ATG2B: variants seen among roughly 807,000 people sequenced by gnomAD.
ATG2B encodes autophagy related 2B.
In ATG2B, 121 loss-of-function variants were observed where a neutral mutation model predicts 241.3. The ratio of observed to expected loss-of-function variants is 0.50; its 90% CI spans 0.43 to 0.58. The LOEUF is 0.58. ATG2B is among the 20% of genes least tolerant of loss of function. The probability of loss-of-function intolerance (pLI) is 0.00; values close to 1 mark genes in which losing one functional copy is unlikely to be tolerated. For synonymous variants in ATG2B, 858 were observed against 876.6 expected, an observed-to-expected ratio of 0.98 and a Z score of 0.37; for missense variants, 2,306 against 2,491.6, an observed-to-expected ratio of 0.93 and a Z score of 1.59.
In ATG2B at chr14:96,331,568, G is replaced by C. The variant is rs780680629; in HGVS notation, c.1538C>G (p.Thr513Ser). 8.1e-6 allele frequency: 13 copies of C among 1,613,922 alleles called. No individual in the cohort carries two copies. The highest frequency in any genetic ancestry group is 9.3e-6 in the Non-Finnish European group (11 of 1,179,970). Residue 513 changes from threonine to serine, a missense_variant, in exon 11 of 42, where the codon ACT (threonine) becomes AGT (serine). Physicochemically the swap from Thr to Ser is moderately conservative, Grantham distance 58 (BLOSUM62 1). Transcript: ENST00000359933. ...AATGTGAAGCACAGAGATTGAAAAA[G>C]TTCCCACAGCTAGTCTAAAAATAAG... ...PELIFRLAVG[T>S]FSISVLHIDP...
chr14:96,310,848 CT>C (rs966116351), intron 28 of ATG2B, among the ~76,000 whole-genome samples: 3 of 151,912 alleles, frequency 2.0e-5, no homozygotes, highest in Non-Finnish European at 4.4e-5. Flanking sequence ...TCTTTCTTCC[CT>C]TAGGACAGAT....
intron 1 of ATG2B, among the ~76,000 whole-genome samples, chr14:96,351,286 T>C (rs1037640520): frequency 2.0e-5 from 3 of 152,328 alleles, no homozygotes; most frequent in African/African-American, 7.2e-5. Context: ...CCTCTATCAT[T>C]AAGAAATTTA....
Position 96,333,823 on chromosome 14 carries a change from T to C in ATG2B, c.1072A>G (p.Met358Val), listed in dbSNP as rs777087852. Residue 358 changes from methionine (M) to valine (V), a missense_variant, in exon 8 of 42, where the codon ATG becomes GTG. Met to Val is a conservative substitution (Grantham distance 21). Coordinates refer to ENST00000359933, the MANE Select transcript of ATG2B (RefSeq NM_018036.7). The part of the protein sequence containing the change: ...LANKDRKNRP[M>V]QQEDEYRIQM... ...ATTCGATACTCGTCTTCCTGCTGCA[T>C]GGGTCGATTTTTCCTATCTTTATTA... 6.2e-6 allele frequency: 10 copies of C among 1,613,944 alleles called. No homozygotes were observed. Among genetic ancestry groups the C allele is most frequent in the Admixed American group, 1.7e-5 (1 of 60,000 alleles).
chr14:96,290,804 GA>G lies in ATG2B; in HGVS notation c.5701+9del. 1 of 1,591,944 alleles carries G rather than the reference GA, an allele frequency of 6.3e-7. No homozygotes were observed. Among genetic ancestry groups the G allele is most frequent in the Non-Finnish European group, 8.5e-7 (1 of 1,173,954 alleles). On this transcript the variant is annotated intron_variant, in intron 39 of 41. Transcript: ENST00000359933. This position sits in a 1 kb window ranked among gnomAD's most constrained non-coding sequence, Gnocchi z 4.4. ...AACTTATCTTTTGATTAAAAAAGAA[GA>G]AAACTCACCTAATTGTACTAGTGAA...
At chr14:96,341,848 C>T in intron 5 of ATG2B, 147 bp from the exon 6 acceptor site, 1 of 573,862 alleles carries the variant, frequency 1.7e-6, no homozygotes, top group East Asian at 3.2e-5. Flanking sequence ...TATCGTATAG[C>T]TAAAATGAAA....
At chr14:96,312,210 C>A in intron 25 of ATG2B, 51 bp from the exon 26 acceptor site, 1 of 1,287,126 alleles carries the variant, frequency 7.8e-7, no homozygotes, top group South Asian at 1.3e-5. Context: ...CTTTGAGTAT[C>A]ATACCCCATA....
At chr14:96,297,618 C>T (rs1010101053) in intron 34 of ATG2B, among the ~76,000 whole-genome samples, 58 of 152,186 alleles carry the variant, frequency 3.8e-4, no homozygotes, top group African/African-American at 1.4e-3. Flanking sequence ...GGCTGAGTCT[C>T]GAACCCCTGA....
In ATG2B at chr14:96,285,292, A is replaced by G. The variant is rs1886304432; in HGVS notation, c.*463T>C. 6.3e-6 allele frequency: 1 copy of G among 158,728 alleles called. No homozygotes were observed. Among genetic ancestry groups the G allele is most frequent in the Non-Finnish European group, 1.4e-5 (1 of 71,586 alleles). 9.8% of individuals were successfully genotyped at this position (158,728 alleles called of 1,614,324 possible). ...ATTCAACAGAATAGGTTATTTTTCCACACTGATATTTATATTGAAAATCCT... is the reference window on the plus strand; with the variant it reads ...ATTCAACAGAATAGGTTATTTTTCCGCACTGATATTTATATTGAAAATCCT... On this transcript the variant is annotated 3_prime_UTR_variant, in exon 42 of 42. Transcript: ENST00000359933. The surrounding 1 kb of genome is among the most constrained non-coding windows in gnomAD (Gnocchi z 4.2).
Position 96,303,203 on chromosome 14 carries a change from C to A in ATG2B, c.4895G>T (p.Ser1632Ile), listed in dbSNP as rs1371164244. The change falls in exon 33 of 42, where the codon AGC becomes ATC. Residue 1632 changes from serine (S) to isoleucine (I), a missense_variant. By Grantham distance (142) the Ser-to-Ile change is moderately radical. Around this residue, in one of 2 missense-constraint regions of ATG2B, gnomAD observed 1,927 missense variants for 2,011.2 expected, o/e 0.96. Coordinates refer to ENST00000359933, the MANE Select transcript of ATG2B (RefSeq NM_018036.7). Reference sequence around the variant, plus strand: ...CCGGGAGACTGGGTGTTCTGAGAGGCTGGAATCACAATCAGGTTTGCATGG... The same window carrying A: ...CCGGGAGACTGGGTGTTCTGAGAGGATGGAATCACAATCAGGTTTGCATGG... Reference protein sequence around the residue: ...YPPCKPDCDSSLSEHPVSRQV... With the variant: ...YPPCKPDCDSILSEHPVSRQV... 6.2e-6 allele frequency: 10 copies of A among 1,610,122 alleles called. No individual in the cohort carries two copies. In the East Asian group the frequency reaches 2.2e-4, roughly 36 times the overall value.
At chr14:96,325,949 C>G (rs1206141331) in intron 14 of ATG2B, 27 bp from the exon 15 acceptor site, 13 of 1,598,896 alleles carry the variant, frequency 8.1e-6, no homozygotes, top group Admixed American at 1.7e-5. Context: ...CAAAAATATG[C>G]CAAAATATTA....
intron 8 of ATG2B, 128 bp from the exon 9 acceptor site, chr14:96,332,783 T>C: frequency 1.7e-6 from 1 of 596,328 alleles, no homozygotes; most frequent in South Asian, 7.1e-5. Flanking sequence ...CCCCAAATTT[T>C]ATGTTACTTA....
chr14:96,342,428 G>A (rs1350307901), intron 5 of ATG2B, among the ~76,000 whole-genome samples: 2 of 152,064 alleles, frequency 1.3e-5, no homozygotes, highest in East Asian at 1.9e-4. Context: ...AGGCATATAT[G>A]AAACATAAAT....
rs765873861 is a variant in ATG2B at position 96,315,374 on chromosome 14, A to G, written c.3561+10T>C. 39 of 1,613,048 alleles carry G rather than the reference A, an allele frequency of 2.4e-5. 1 individual carries two copies. The South Asian group carries it at 4.1e-4, about 17-fold the overall frequency. On this transcript the variant is annotated intron_variant, in intron 22 of 41. Transcript: ENST00000359933. ...AAATCAACAGTGGCATAAAAGTACA[A>G]AACACAAACCTTTGTATTGGACTCT...
intron 37 of ATG2B, 50 bp downstream of exon 37, chr14:96,291,979 T>C: frequency 7.8e-7 from 1 of 1,276,286 alleles, no homozygotes; most frequent in Non-Finnish European, 1.1e-6. Flanking sequence ...ACGAGCTCAT[T>C]AGAGAAACAT....
chr14:96,356,035 G>A (rs9671670), intron 1 of ATG2B, among the ~76,000 whole-genome samples: 3,674 of 151,996 alleles, frequency 0.024, 157 homozygotes, highest in African/African-American at 0.084. Context: ...GCCAGGCGTC[G>A]GGGTGGGAGC....
chr14:96,320,458 G>C (rs1042046398), intron 18 of ATG2B, among the ~76,000 whole-genome samples: 6 of 151,418 alleles, frequency 4.0e-5, no homozygotes, highest in Non-Finnish European at 7.4e-5. Context: ...AAAAACGGTA[G>C]ACAATGCCTT....
chr14:96,317,467 G>C (rs1887346476), intron 19 of ATG2B, 150 bp from the exon 20 acceptor site: 2 of 778,302 alleles, frequency 2.6e-6, no homozygotes, highest in Non-Finnish European at 4.0e-6. Flanking sequence ...CTTTAGCTTT[G>C]AACTTCAAAC....
At chr14:96,329,331 A>G (rs528364837) in intron 12 of ATG2B, among the ~76,000 whole-genome samples, 153 bp downstream of exon 12, 1 of 152,326 alleles carries the variant, frequency 6.6e-6, no homozygotes, top group East Asian at 1.9e-4. Context: ...ATTCTTAAAT[A>G]TATTTCTATA....
intron 24 of ATG2B, 61 bp downstream of exon 24, chr14:96,313,268 T>TAAC: frequency 7.0e-7 from 1 of 1,419,578 alleles, no homozygotes; most frequent in Admixed American, 2.1e-5. Flanking sequence ...AATTATGTAT[T>TAAC]TTTTTCAAAA....
Sources: gnomAD v4.1 joint callset for allele counts (sites outside exome capture counted in the v4.1 genomes callset) on GRCh38, gnomAD v4.1.1 for gene constraint, gnomAD v4.1.1 regional missense constraint, Gnocchi (gnomAD v3.1) non-coding constraint, MANE v1.5 for transcripts, NCBI Gene and HGNC (gene_info 2026-07-23, HGNC 2026-07-21) for gene names.